Variants in PROSER1 observed in about 807,000 individuals in gnomAD.
PROSER1 encodes the protein proline and serine-rich protein 1.
Under a neutral mutation model 71.8 loss-of-function variants are expected in PROSER1, and 36 were observed. That is an observed-to-expected ratio of 0.50 (90% CI 0.38 to 0.66). The LOEUF (loss-of-function observed/expected upper bound fraction) is 0.66. PROSER1 is among the 30% of genes least tolerant of loss of function. The probability of loss-of-function intolerance (pLI) is 0.00; values close to 1 mark genes in which losing one functional copy is unlikely to be tolerated. For missense variants in PROSER1, 1,107 were observed against 1,135.0 expected (o/e 0.98, Z 0.35); for synonymous variants, 490 against 452.4 (o/e 1.08, Z -1.06).
At chr13:39,028,194 G>T in intron 5 of PROSER1, 33 bp downstream of exon 5, 2 of 1,184,170 alleles carry the variant, frequency 1.7e-6, no homozygotes, top group South Asian at 1.3e-5. Flanking sequence ...AAAAACCAGC[G>T]TACCAAGTAC....
intron 3 of PROSER1, 48 bp from the exon 4 acceptor site, chr13:39,029,423 C>T (rs1870724889): frequency 1.9e-6 from 2 of 1,028,668 alleles, no homozygotes; most frequent in Non-Finnish European, 2.8e-6. Context: ...ATTTTCATGC[C>T]AGAAATTACC....
In PROSER1 at chr13:39,013,417, G is replaced by A. The variant is rs1019779276; in HGVS notation, c.1835C>T (p.Thr612Ile). ...TLPVMIKTEP[T>I]SPTPSAFKGP... Reference sequence around the variant, plus strand: ...TTTGAAGGCCGAGGGAGTAGGACTTGTGGGCTCAGTTTTGATCATAACAGG... The same window carrying A: ...TTTGAAGGCCGAGGGAGTAGGACTTATGGGCTCAGTTTTGATCATAACAGG... The change falls in exon 11 of 13, where the codon ACA becomes ATA. Residue 612 changes from threonine (T) to isoleucine (I), a missense_variant. Thr to Ile is a moderately conservative substitution (Grantham distance 89). Transcript: ENST00000352251. The A allele has an allele frequency of 5.6e-6, 9 of 1,614,066 alleles. No homozygotes were observed. The African/African-American group carries it at 1.1e-4, about 19-fold the overall frequency.
rs1313586909 is a variant in PROSER1 at position 39,028,271 on chromosome 13, C to A, written c.325G>T (p.Val109Leu). Residue 109 changes from valine (V) to leucine (L), a missense_variant, in exon 5 of 13, where the codon GTA becomes TTA. Physicochemically the swap from Val to Leu is conservative, Grantham distance 32. Coordinates refer to ENST00000352251, the MANE Select transcript of PROSER1 (RefSeq NM_025138.5). Reference sequence around the variant, plus strand: ...CACCGTTTCTTCTCAGACATATTTACCCTGAATAAATCTTCAATAGGACGA... The same window carrying A: ...CACCGTTTCTTCTCAGACATATTTAACCTGAATAAATCTTCAATAGGACGA... ...NSRPIEDLFR[V>L]NMSEKKRCKR... 4 of 1,599,236 alleles carry A rather than the reference C, an allele frequency of 2.5e-6. No homozygotes were observed. The highest frequency in any genetic ancestry group is 2.7e-5 in the African/African-American group (2 of 74,542).
rs753969277 is a variant in PROSER1 at position 39,022,315 on chromosome 13, T to C, written c.730+11A>G. 1 of 1,579,698 alleles carries C rather than the reference T, an allele frequency of 6.3e-7. No individual in the cohort carries two copies. Among genetic ancestry groups the C allele is most frequent in the Non-Finnish European group, 8.7e-7 (1 of 1,149,072 alleles). On this transcript the variant is annotated intron_variant, in intron 9 of 12. Coordinates refer to ENST00000352251, the MANE Select transcript of PROSER1 (RefSeq NM_025138.5). Reference sequence around the variant, plus strand: ...AATAAGTTACTTAAACACCCCCAAATAACATTTTACCTGTTCCTACAGGAT... The same window carrying C: ...AATAAGTTACTTAAACACCCCCAAACAACATTTTACCTGTTCCTACAGGAT...
intron 1 of PROSER1, among the ~76,000 whole-genome samples, chr13:39,035,671 G>A (rs890144000): frequency 6.6e-6 from 1 of 151,798 alleles, no homozygotes; most frequent in African/African-American, 2.4e-5. Context: ...CTTCTTATAT[G>A]CCTCTGTTTT....
Position 39,014,109 on chromosome 13 carries a change from G to A in PROSER1, c.1143C>T (p.Thr381=), listed in dbSNP as rs1419070751. The A allele has an allele frequency of 1.9e-6, 3 of 1,613,180 alleles. No homozygotes were observed. The highest frequency in any genetic ancestry group is 2.2e-5 in the East Asian group (1 of 44,834). ...GAGTGGACCGTGGTGTAGGTCCTGG[G>A]GTAGGAGTGGCTGCGGTAGGAGTGG... is the stretch of plus-strand genomic sequence containing the variant. The part of the protein sequence containing the change: ...PSATPTAATP[T]PGPTPRSTLG... Residue 381 remains threonine, a synonymous_variant, in exon 11 of 13, where the codon ACC becomes ACT. Coordinates refer to ENST00000352251, the MANE Select transcript of PROSER1 (RefSeq NM_025138.5).
chr13:39,029,379 T>C lies in PROSER1; in HGVS notation c.181-4A>G. On this transcript the variant is annotated splice_region_variant and splice_polypyrimidine_tract_variant and intron_variant, in intron 3 of 12. Transcript: ENST00000352251. Reference sequence around the variant, plus strand: ...TTGGCTGGACAGCCACCATTTTCTGTTGATATAAAAAATAATTTTATTTTT... The same window carrying C: ...TTGGCTGGACAGCCACCATTTTCTGCTGATATAAAAAATAATTTTATTTTT... The C allele has an allele frequency of 7.1e-7, 1 of 1,405,626 alleles. No homozygotes were observed. The highest frequency in any genetic ancestry group is 9.4e-7 in the Non-Finnish European group (1 of 1,062,368). 87.1% of individuals were successfully genotyped at this position (1,405,626 alleles called of 1,614,324 possible).
At chr13:39,020,382 A>G (rs764946858) in intron 9 of PROSER1, among the ~76,000 whole-genome samples, 2 of 151,844 alleles carry the variant, frequency 1.3e-5, no homozygotes, top group African/African-American at 4.8e-5. Context: ...ACACACACAC[A>G]CCCCTGTTGT....
At chr13:39,019,074 A>G (rs368533585) in intron 9 of PROSER1, among the ~76,000 whole-genome samples, 208 of 152,356 alleles carry the variant, frequency 1.4e-3, no homozygotes, top group African/African-American at 4.8e-3. Context: ...AAAGAAAATT[A>G]TAACAGGCAC....
Position 39,014,051 on chromosome 13 carries a change from C to A in PROSER1, c.1201G>T (p.Ala401Ser), listed in dbSNP as rs777600248. The A allele has an allele frequency of 4.3e-6, 7 of 1,613,994 alleles. No individual in the cohort carries two copies. The South Asian group carries it at 7.7e-5, about 18-fold the overall frequency. The change falls in exon 11 of 13, where the codon GCA (alanine) becomes TCA (serine). Residue 401 changes from alanine (A) to serine (S), a missense_variant. Transcript: ENST00000352251. ...GAAAAGGGGAGGCTAGTGAAAGGTG[C>A]AGAAGTAGAAGCAAATGCTTCACTG... is the stretch of plus-strand genomic sequence containing the variant. ...GSSEAFASTS[A>S]PFTSLPFSTS...
intron 2 of PROSER1, among the ~76,000 whole-genome samples, chr13:39,032,792 G>A (rs1870910564): frequency 6.6e-6 from 1 of 152,082 alleles, no homozygotes; most frequent in Non-Finnish European, 1.5e-5. Context: ...AGCTCATTTA[G>A]AAAGTGGCTT....
chr13:39,016,634 G>C (rs1255045367), intron 10 of PROSER1, among the ~76,000 whole-genome samples: 1 of 152,156 alleles, frequency 6.6e-6, no homozygotes, highest in Non-Finnish European at 1.5e-5. Flanking sequence ...CATAAAAGCT[G>C]AAATTTCCTC....
Position 39,026,270 on chromosome 13 carries a change from T to G in PROSER1, c.480+7A>C, listed in dbSNP as rs529221248. On this transcript the variant is annotated splice_region_variant and intron_variant, in intron 6 of 12. Coordinates refer to ENST00000352251, the MANE Select transcript of PROSER1 (RefSeq NM_025138.5). ...AGTTTCATATACAGCTACAGAAGTA[T>G]GCTTACTGGGAAAATTCCATTTATG... is the stretch of plus-strand genomic sequence containing the variant. 1 of 1,557,524 alleles carries G rather than the reference T, an allele frequency of 6.4e-7. No homozygotes were observed. Among genetic ancestry groups the G allele is most frequent in the East Asian group, 2.2e-5 (1 of 44,566 alleles).
At chr13:39,032,602 G>T (rs540874640) in intron 2 of PROSER1, among the ~76,000 whole-genome samples, 1 of 151,524 alleles carries the variant, frequency 6.6e-6, no homozygotes, top group Non-Finnish European at 1.5e-5. Context: ...CTTATAAAGA[G>T]ATATATATAT....
At chr13:39,031,506 T>C in intron 3 of PROSER1, 57 bp downstream of exon 3, 1 of 1,226,732 alleles carries the variant, frequency 8.2e-7, no homozygotes, top group Non-Finnish European at 1.2e-6. Context: ...TACACACAAC[T>C]GGGAGAATTA....
In PROSER1 at chr13:39,013,791, AGAG is replaced by A. The variant is rs1365808634; in HGVS notation, c.1458_1460del (p.Ser487del). ...CACTTGTGACAGCAGAGGATAAAGC[AGAG>A]GAGTTGATTAAATTGGTGTCATTGG... On this transcript the variant is annotated inframe_deletion, in exon 11 of 13. Transcript: ENST00000352251. 5.0e-6 allele frequency: 8 copies of A among 1,614,106 alleles called. No individual in the cohort carries two copies. Among genetic ancestry groups the A allele is most frequent in the Non-Finnish European group, 6.8e-6 (8 of 1,180,052 alleles).
intron 3 of PROSER1, 133 bp from the exon 4 acceptor site, chr13:39,029,508 CACTT>C: frequency 2.1e-6 from 1 of 477,700 alleles, no homozygotes; most frequent in Non-Finnish European, 3.7e-6. Context: ...AGGTGAAAAC[CACTT>C]ACTCAAAAGA....
At chr13:39,027,103 T>C (rs547726808) in intron 5 of PROSER1, among the ~76,000 whole-genome samples, 2 of 152,154 alleles carry the variant, frequency 1.3e-5, no homozygotes, top group Admixed American at 6.6e-5. Context: ...TGTGTATATA[T>C]ATATTCACAA....
At chr13:39,018,514 A>ACT (rs1870125457) in intron 9 of PROSER1, among the ~76,000 whole-genome samples, 1 of 151,370 alleles carries the variant, frequency 6.6e-6, no homozygotes, top group African/African-American at 2.4e-5. Context: ...ACACACACAC[A>ACT]CACTACTGGG....
Sources: gnomAD v4.1 joint callset for allele counts (sites outside exome capture counted in the v4.1 genomes callset) on GRCh38, gnomAD v4.1.1 for gene constraint, MANE v1.5 for transcripts, NCBI Gene and HGNC (gene_info 2026-07-23, HGNC 2026-07-21) for gene names.